Variants in ATXN7L1 observed in about 807,000 individuals in gnomAD.
ATXN7L1 encodes ataxin 7 like 1.
Under a neutral mutation model 70.8 loss-of-function variants are expected in ATXN7L1, and 15 were observed. That is an observed-to-expected ratio of 0.21 (90% CI 0.14 to 0.33). The LOEUF (loss-of-function observed/expected upper bound fraction) is 0.33, where lower values mean the gene tolerates loss of function less well. Among genes scored for constraint, ATXN7L1 ranks in the 10% least tolerant of loss-of-function variants. The pLI, the probability that ATXN7L1 is intolerant of heterozygous loss-of-function variation, is 1.00. For missense variants in ATXN7L1, 975 were observed against 1,097.1 expected (o/e 0.89, Z 1.57); for synonymous variants, 440 against 445.1 (o/e 0.99, Z 0.14).
chr7:105,691,074 G>A (rs190967771), intron 3 of ATXN7L1, among the ~76,000 whole-genome samples: 1 of 152,198 alleles, frequency 6.6e-6, no homozygotes, highest in Admixed American at 6.5e-5. Context: ...CCCTGTGTCT[G>A]TTCTTCCTCC....
At chr7:105,722,754 A>G (rs894357984) in intron 3 of ATXN7L1, among the ~76,000 whole-genome samples, 2 of 151,354 alleles carry the variant, frequency 1.3e-5, no homozygotes, top group Admixed American at 6.6e-5. Flanking sequence ...GCGTGGTGGC[A>G]TGTGCCTGTA....
At chr7:105,646,010 A>G (rs904600321) in intron 4 of ATXN7L1, among the ~76,000 whole-genome samples, 2 of 151,618 alleles carry the variant, frequency 1.3e-5, no homozygotes, top group African/African-American at 4.9e-5. Context: ...CTGTCTCAAA[A>G]AAAAAAAAAA....
rs547373490 is a variant in ATXN7L1, at chr7:105,607,840, T to C, written c.*12A>G. On this transcript the variant is annotated 3_prime_UTR_variant, in exon 12 of 12. Transcript: ENST00000419735. ...GGCCTGGAATTGATGTGGAAGTGGC[T>C]TCATAGTCTTGTTATGGAAGAGTCC... The C allele has an allele frequency of 6.4e-7, 1 of 1,551,474 alleles. No homozygotes were observed.
chr7:105,815,871 T>C (rs1042804328), intron 2 of ATXN7L1, among the ~76,000 whole-genome samples: 15 of 152,190 alleles, frequency 9.9e-5, no homozygotes, highest in African/African-American at 3.6e-4. Context: ...TTGTGAGCGT[T>C]TGGCAGATGC....
chr7:105,866,102 C>A (rs1817425142), intron 2 of ATXN7L1, among the ~76,000 whole-genome samples: 1 of 152,124 alleles, frequency 6.6e-6, no homozygotes, highest in Non-Finnish European at 1.5e-5. Context: ...TGTCCCCACC[C>A]CACCCCAGGA....
chr7:105,758,149 G>A (rs1176939361), intron 3 of ATXN7L1, among the ~76,000 whole-genome samples: 1 of 152,168 alleles, frequency 6.6e-6, no homozygotes, highest in Admixed American at 6.5e-5. Context: ...GAGCTATGGT[G>A]GAATGAAATT....
chr7:105,678,929 A>T, intron 3 of ATXN7L1: 1 of 342,198 alleles, frequency 2.9e-6, no homozygotes. Flanking sequence ...CTATGCTAAC[A>T]CTCATTTTGC....
At chr7:105,643,226 A>G in intron 4 of ATXN7L1, 105 bp from the exon 5 acceptor site, 3 of 1,269,656 alleles carry the variant, frequency 2.4e-6, no homozygotes, top group South Asian at 3.2e-5. Flanking sequence ...CTTATCACTT[A>G]TTTATACTCC....
chr7:105,619,139 A>AGTTTTTTTTTTTTT (rs1794375161), intron 9 of ATXN7L1, among the ~76,000 whole-genome samples: 7 of 23,588 alleles, frequency 3.0e-4, no homozygotes, highest in Non-Finnish European at 6.8e-4. Flanking sequence ...TGAAATCTTT[A>AGTTTTTTTTTTTTT]GTTTTTTTTT....
At chr7:105,630,519 G>A (rs1796432062) in intron 7 of ATXN7L1, among the ~76,000 whole-genome samples, 1 of 151,914 alleles carries the variant, frequency 6.6e-6, no homozygotes, top group Non-Finnish European at 1.5e-5. Flanking sequence ...TTTAAAAAGA[G>A]GCATCCAGTC....
intron 3 of ATXN7L1, among the ~76,000 whole-genome samples, chr7:105,704,264 T>G (rs1237232681): frequency 6.6e-6 from 1 of 152,204 alleles, no homozygotes; most frequent in Non-Finnish European, 1.5e-5. Flanking sequence ...ACTATAAGCC[T>G]CATGAAGTGC....
Position 105,876,481 on chromosome 7 carries a change from T to C in ATXN7L1, c.78A>G (p.Gly26=). ...TGCGATCCAGTGTCGCCATTGCTCT[T>C]CCTTCTTGTTGCTTTTTCCCTGTTC... The part of the protein sequence containing the change: ...AEGTGKKQQE[G]RAMATLDRKV... The change falls in exon 1 of 12, where the codon GGA becomes GGG. Residue 26 remains glycine (G), a synonymous_variant. Transcript: ENST00000419735. The C allele has an allele frequency of 6.2e-7, 1 of 1,613,284 alleles. No homozygotes were observed. The highest frequency in any genetic ancestry group is 8.5e-7 in the Non-Finnish European group (1 of 1,179,344).
At chr7:105,718,324 G>C (rs1794803071) in intron 3 of ATXN7L1, among the ~76,000 whole-genome samples, 1 of 152,208 alleles carries the variant, frequency 6.6e-6, no homozygotes, top group East Asian at 1.9e-4. Context: ...CAGAATTGGA[G>C]CCAGCAAGTA....
At position 105,624,118 on chromosome 7, in the gene ATXN7L1, T is replaced by C; in HGVS notation, c.1352A>G (p.Lys451Arg). 6.6e-7 allele frequency: 1 copy of C among 1,518,488 alleles called. No homozygotes were observed. Among genetic ancestry groups the C allele is most frequent in the East Asian group, 2.6e-5 (1 of 38,738 alleles). 94.1% of individuals were successfully genotyped at this position (1,518,488 alleles called of 1,614,324 possible). A position where few individuals can be genotyped will look rare whatever the true frequency, so the allele number is the denominator to read the frequency against. Residue 451 changes from lysine to arginine, a missense_variant, in exon 8 of 12, where the codon AAG becomes AGG. By Grantham distance (26) the Lys-to-Arg change is conservative. Around this residue, in one of 5 missense-constraint regions of ATXN7L1, gnomAD observed 635 missense variants for 699.4 expected, o/e 0.91. Transcript: ENST00000419735. ...GTGCGTGGAGAACTGACAGTCTAGC[T>C]TCTCGGATTCGTCGGCTCCGTCCAT... is the stretch of plus-strand genomic sequence containing the variant. ...GEMDGADESE[K>R]LDCQFSTHHP...
At chr7:105,612,379 TGA>T (rs1458922857) in intron 10 of ATXN7L1, among the ~76,000 whole-genome samples, 3 of 151,748 alleles carry the variant, frequency 2.0e-5, no homozygotes, top group Non-Finnish European at 4.4e-5. Context: ...CTAAAATGAG[TGA>T]GATACCACGG....
At chr7:105,872,840 CAAA>C (rs760300999) in intron 2 of ATXN7L1, among the ~76,000 whole-genome samples, 1 of 136,344 alleles carries the variant, frequency 7.3e-6, no homozygotes. Flanking sequence ...TATTTTACCA[CAAA>C]AAAAAAAAAA....
chr7:105,733,784 A>G (rs1167177508), intron 3 of ATXN7L1, among the ~76,000 whole-genome samples: 1 of 135,826 alleles, frequency 7.4e-6, no homozygotes, highest in African/African-American at 2.7e-5. Context: ...CCACCCATCC[A>G]TCCATCCTTC....
intron 1 of ATXN7L1, 44 bp from the exon 2 acceptor site, chr7:105,875,924 G>T: frequency 1.3e-6 from 2 of 1,590,162 alleles, no homozygotes; most frequent in Non-Finnish European, 1.7e-6. Flanking sequence ...AAGGAAAAAA[G>T]GGGGGAAAAA....
At chr7:105,830,544 ATC>A (rs1811462168) in intron 2 of ATXN7L1, among the ~76,000 whole-genome samples, 1 of 152,278 alleles carries the variant, frequency 6.6e-6, no homozygotes, top group Non-Finnish European at 1.5e-5. Flanking sequence ...GGAAGATAAC[ATC>A]TGAGTCATCA....
Sources: gnomAD v4.1 joint callset for allele counts (sites outside exome capture counted in the v4.1 genomes callset) on GRCh38, gnomAD v4.1.1 for gene constraint, gnomAD v4.1.1 regional missense constraint, MANE v1.5 for transcripts, NCBI Gene and HGNC (gene_info 2026-07-23, HGNC 2026-07-21) for gene names.